The following CHRM2 variants were observed in gnomAD, a reference collection of about 807,000 sequenced individuals.
CHRM2 encodes muscarinic acetylcholine receptor M2.
In CHRM2, 8 loss-of-function variants were observed where a neutral mutation model predicts 25.0. That is an observed-to-expected ratio of 0.32 (90% CI 0.19 to 0.58). The LOEUF (loss-of-function observed/expected upper bound fraction) is 0.58. Among genes scored for constraint, CHRM2 ranks in the 20% least tolerant of loss-of-function variants. The probability of loss-of-function intolerance (pLI) is 0.88; values close to 1 mark genes in which losing one functional copy is unlikely to be tolerated. For synonymous variants in CHRM2, 202 were observed against 205.7 expected (o/e 0.98, Z 0.15); for missense variants, 440 against 567.1 (o/e 0.78, Z 2.28).
chr7:136,943,205 T>C (rs1333041072), intron 2 of CHRM2, among the ~76,000 whole-genome samples: 2 of 152,182 alleles, frequency 1.3e-5, no homozygotes, highest in Admixed American at 6.6e-5. Flanking sequence ...CATCCAATCA[T>C]TAGAGAGGTT....
chr7:137,015,125 G>A lies in CHRM2; in HGVS notation c.260G>A (p.Gly87Asp). 1.2e-6 allele frequency: 2 copies of A among 1,613,518 alleles called. No homozygotes were observed. The highest frequency in any genetic ancestry group is 1.7e-6 in the Non-Finnish European group (2 of 1,179,640). ...TTGTACACCCTCTACACTGTGATTG[G>A]TTACTGGCCTTTGGGACCTGTGGTG... ...MNLYTLYTVI[G>D]YWPLGPVVCD... The change falls in exon 4 of 4, where the codon GGT becomes GAT. Residue 87 changes from glycine (G) to aspartate (D), a missense_variant. By Grantham distance (94) the Gly-to-Asp change is moderately conservative (BLOSUM62 -1). Around this residue, in one of 5 missense-constraint regions of CHRM2, gnomAD observed 86 missense variants for 124.9 expected, o/e 0.69. Coordinates refer to ENST00000680005, the MANE Select transcript of CHRM2 (RefSeq NM_001006630.2). This position sits in a 1 kb window ranked among gnomAD's most constrained non-coding sequence, Gnocchi z 5.1.
At chr7:136,872,535 G>A (rs1308486253) in intron 2 of CHRM2, among the ~76,000 whole-genome samples, 1 of 152,174 alleles carries the variant, frequency 6.6e-6, no homozygotes, top group African/African-American at 2.4e-5. Context: ...GTCTTTACTG[G>A]ACAATTTTCC....
chr7:136,893,099 G>A (rs1018473074), intron 2 of CHRM2, among the ~76,000 whole-genome samples: 9 of 151,190 alleles, frequency 6.0e-5, no homozygotes, highest in East Asian at 1.9e-4. Flanking sequence ...TGTTCTTCTC[G>A]CTTCTTAAGG....
intron 3 of CHRM2, 47 bp from the exon 4 acceptor site, chr7:137,014,773 A>G: frequency 8.8e-7 from 1 of 1,142,464 alleles, no homozygotes; most frequent in Non-Finnish European, 1.3e-6. Flanking sequence ...TGTATTTTAA[A>G]CCAATGTTTA....
chr7:136,956,425 T>C (rs1194890496), intron 2 of CHRM2, among the ~76,000 whole-genome samples: 2 of 152,170 alleles, frequency 1.3e-5, no homozygotes, highest in Admixed American at 6.5e-5. Flanking sequence ...CTAGAAAAAA[T>C]GCTTCACTCT....
chr7:137,011,990 C>A lies in CHRM2; in HGVS notation c.-46-2830C>A, dbSNP rs892118195. On this transcript the variant is annotated intron_variant, in intron 3 of 3. Transcript: ENST00000680005. The stretch of plus-strand genomic sequence containing the variant: ...CAAACTAGTTGATTTTGAATCCCTA[C>A]TTTTCAACATCAGTGTTATTCATTA... Among the ~76,000 whole-genome samples, 6 of 152,136 alleles carry A rather than the reference C, an allele frequency of 3.9e-5. No homozygotes were observed. The East Asian group carries it at 9.7e-4, about 25-fold the overall frequency.
chr7:136,925,820 C>T (rs1798714977), intron 2 of CHRM2, among the ~76,000 whole-genome samples: 1 of 152,220 alleles, frequency 6.6e-6, no homozygotes, highest in African/African-American at 2.4e-5. Flanking sequence ...CTGGCATTGA[C>T]TTCAAGCTTT....
rs189363671 is a variant in CHRM2 at position 136,916,343 on chromosome 7, A to G, written c.-125+46925A>G. ...ATAATATACTATCCTCTACAGAAAA[A>G]CATTTATTATAGAATAACAGGTCTG... On this transcript the variant is annotated intron_variant, in intron 2 of 3. Transcript: ENST00000680005. Among the ~76,000 whole-genome samples, 228 of 151,928 alleles carry G rather than the reference A, an allele frequency of 1.5e-3. 2 individuals carry two copies. The highest frequency in any genetic ancestry group is 5.2e-3 in the African/African-American group (217 of 41,516).
intron 2 of CHRM2, among the ~76,000 whole-genome samples, chr7:136,922,830 T>G (rs568414800): frequency 6.6e-6 from 1 of 152,304 alleles, no homozygotes; most frequent in South Asian, 2.1e-4. Flanking sequence ...TTCTTTGCAT[T>G]TTTATGCTGA....
intron 2 of CHRM2, among the ~76,000 whole-genome samples, chr7:136,956,891 G>A (rs1490409163): frequency 6.6e-6 from 1 of 151,982 alleles, no homozygotes; most frequent in Non-Finnish European, 1.5e-5. Context: ...ATGCAATAGG[G>A]TGAGGACCTC....
intron 2 of CHRM2, among the ~76,000 whole-genome samples, chr7:136,934,581 C>T (rs1162682730): frequency 1.3e-5 from 2 of 152,076 alleles, no homozygotes; most frequent in African/African-American, 2.4e-5. Context: ...CTATTTTAAA[C>T]AATATTCCTT....
At chr7:136,924,734 C>T (rs1381272888) in intron 2 of CHRM2, among the ~76,000 whole-genome samples, 2 of 152,108 alleles carry the variant, frequency 1.3e-5, no homozygotes, top group African/African-American at 4.8e-5. Flanking sequence ...TGCTTAACAC[C>T]TCCAGCACTG....
intron 2 of CHRM2, among the ~76,000 whole-genome samples, chr7:136,932,970 C>T (rs913225430): frequency 5.3e-5 from 8 of 152,214 alleles, no homozygotes; most frequent in Non-Finnish European, 1.2e-4. Flanking sequence ...GCAGAGGTTG[C>T]AGTGGGCCCA....
intron 2 of CHRM2, among the ~76,000 whole-genome samples, chr7:136,919,525 A>T (rs1283578852): frequency 6.6e-6 from 1 of 152,124 alleles, no homozygotes; most frequent in African/African-American, 2.4e-5. Flanking sequence ...AGAATTCTTC[A>T]ATAACCTCTG....
At chr7:136,948,787 T>G (rs1800217339) in intron 2 of CHRM2, among the ~76,000 whole-genome samples, 1 of 151,686 alleles carries the variant, frequency 6.6e-6, no homozygotes, top group South Asian at 2.1e-4. Context: ...AAAAAAGAAA[T>G]GAGTCTTCTC....
At chr7:136,893,349 C>T (rs1025284946) in intron 2 of CHRM2, among the ~76,000 whole-genome samples, 5 of 152,160 alleles carry the variant, frequency 3.3e-5, no homozygotes, top group Non-Finnish European at 5.9e-5. Context: ...CCTAGCAAAT[C>T]TGGAAAGACT....
At chr7:136,965,805 C>T (rs957291921) in intron 2 of CHRM2, among the ~76,000 whole-genome samples, 3 of 151,376 alleles carry the variant, frequency 2.0e-5, no homozygotes, top group Admixed American at 1.3e-4. Context: ...ATGGGAAGAA[C>T]ACAGACAAAA....
At chr7:137,007,068 A>C (rs1271113223) in intron 3 of CHRM2, among the ~76,000 whole-genome samples, 2 of 152,110 alleles carry the variant, frequency 1.3e-5, no homozygotes, top group African/African-American at 4.8e-5. Flanking sequence ...CAAAAATGTC[A>C]GATACAAGCC....
At chr7:136,897,938 C>T (rs1796994352) in intron 2 of CHRM2, among the ~76,000 whole-genome samples, 1 of 152,056 alleles carries the variant, frequency 6.6e-6, no homozygotes, top group African/African-American at 2.4e-5. Context: ...AATCTCTATG[C>T]CCATTTCTGT....
Sources: allele counts gnomAD v4.1 joint callset (sites outside exome capture counted in the v4.1 genomes callset), GRCh38; gene constraint gnomAD v4.1.1; regional missense constraint gnomAD v4.1.1; non-coding constraint Gnocchi (gnomAD v3.1); transcripts MANE v1.5; gene names NCBI Gene and HGNC (gene_info 2026-07-23, HGNC 2026-07-21).